Variants in DMD observed in about 807,000 individuals in gnomAD.
The protein encoded by DMD is dystrophin.
A neutral mutation model predicts 330.1 loss-of-function variants in DMD; 63 were observed. The ratio of observed to expected loss-of-function variants is 0.19; its 90% CI spans 0.16 to 0.24. The LOEUF is 0.24. Among genes scored for constraint, DMD ranks in the 10% least tolerant of loss-of-function variants. DMD has a pLI of 1.00. For missense variants in DMD, 3,344 were observed against 2,684.1 expected (o/e 1.25, Z -5.43); for synonymous variants, 1,223 against 959.8 (o/e 1.27, Z -5.07).
intron 52 of DMD, among the ~76,000 whole-genome samples, chrX:31,687,356 C>A (rs2082751246): frequency 9.0e-6 from 1 of 111,513 alleles, no homozygotes; most frequent in African/African-American, 3.3e-5. Context: ...GAGAAGCAGG[C>A]AGGCTTCTGG....
chrX:31,645,742 T>G (rs1387008850), intron 54 of DMD, among the ~76,000 whole-genome samples: 1 of 112,042 alleles, frequency 8.9e-6, no homozygotes, highest in Non-Finnish European at 1.9e-5. Context: ...ATGGTCAAAC[T>G]TTTAGAAGGG....
chrX:31,180,903 C>G (rs1037886066), intron 68 of DMD, among the ~76,000 whole-genome samples: 3 of 112,294 alleles, frequency 2.7e-5, no homozygotes, highest in Non-Finnish European at 5.6e-5. Context: ...ATTTTCAAAA[C>G]ATTGTCAAGA....
chrX:32,659,872 T>C (rs895040066), intron 9 of DMD, among the ~76,000 whole-genome samples: 3 of 110,672 alleles, frequency 2.7e-5, no homozygotes, highest in Non-Finnish European at 5.7e-5. Context: ...ATTCCTTTCC[T>C]ATTCAAGGAA....
At chrX:32,181,234 C>CT (rs1235036586) in intron 44 of DMD, among the ~76,000 whole-genome samples, 3 of 111,592 alleles carry the variant, frequency 2.7e-5, no homozygotes, top group Non-Finnish European at 3.8e-5. Flanking sequence ...AGAGCAGGTA[C>CT]TTTTTTGTGC....
chrX:32,362,747 C>A, intron 37 of DMD, 41 bp downstream of exon 37: 1 of 1,200,089 alleles, frequency 8.3e-7, no homozygotes. Flanking sequence ...TCGCAAGAGA[C>A]CATTTAGCAC....
At chrX:32,511,575 G>C (rs913619613) in intron 18 of DMD, among the ~76,000 whole-genome samples, 2 of 99,713 alleles carry the variant, frequency 2.0e-5, no homozygotes, top group Non-Finnish European at 4.1e-5. Context: ...TTTTCTTCTT[G>C]TTAGGAAAAA....
rs191564063 is a variant in DMD, at chrX:32,297,895, C to G, written c.6118-10194G>C. On this transcript the variant is annotated intron_variant, in intron 42 of 78. Transcript: ENST00000357033. ...AAAATCATGAGAATAATATTCCAGA[C>G]AGGTAAAGCAAGTATAAGGGCCCTG... Among the ~76,000 whole-genome samples, 859 of 110,786 alleles carry G rather than the reference C, an allele frequency of 7.8e-3. 31 individuals are homozygous for G. The highest frequency in any genetic ancestry group is 0.065 in the Admixed American group (673 of 10,386).
intron 2 of DMD, among the ~76,000 whole-genome samples, chrX:33,008,126 T>C (rs777275501): frequency 6.3e-5 from 7 of 111,684 alleles, no homozygotes; most frequent in Non-Finnish European, 1.3e-4. Context: ...ATCACTTGTT[T>C]ATTGATCACT....
chrX:31,398,056 C>A (rs902610483), intron 60 of DMD, among the ~76,000 whole-genome samples: 1 of 112,429 alleles, frequency 8.9e-6, no homozygotes, highest in Non-Finnish European at 1.9e-5. Flanking sequence ...TTACTATGTG[C>A]AACACATATA....
chrX:32,118,780 G>C (rs1479145330), intron 44 of DMD, among the ~76,000 whole-genome samples: 1 of 109,951 alleles, frequency 9.1e-6, no homozygotes, highest in East Asian at 2.9e-4. Flanking sequence ...GGGGCGGGTG[G>C]GGTTGTGGGG....
intron 1 of DMD, among the ~76,000 whole-genome samples, chrX:33,035,692 T>C (rs1159713620): frequency 1.8e-5 from 2 of 111,771 alleles, no homozygotes; most frequent in Admixed American, 9.5e-5. Flanking sequence ...GAGCAGCCCA[T>C]GTCATGAAGG....
intron 41 of DMD, among the ~76,000 whole-genome samples, chrX:32,312,640 G>A (rs1184553156): frequency 9.1e-6 from 1 of 109,380 alleles, no homozygotes; most frequent in Non-Finnish European, 1.9e-5. Context: ...CCAGGAGCTG[G>A]TCTTTTGAAA....
intron 52 of DMD, among the ~76,000 whole-genome samples, chrX:31,685,202 G>A (rs1474305424): frequency 9.2e-6 from 1 of 108,525 alleles, no homozygotes; most frequent in Non-Finnish European, 1.9e-5. Flanking sequence ...TGGGTAGGAA[G>A]GGATTTTTGC....
chrX:32,919,317 A>G (rs2088152590), intron 2 of DMD, among the ~76,000 whole-genome samples: 1 of 111,979 alleles, frequency 8.9e-6, no homozygotes, highest in African/African-American at 3.2e-5. Context: ...TTCCAGAGAT[A>G]CTATCCAACC....
chrX:31,478,877 A>C, intron 58 of DMD, 106 bp downstream of exon 58: 2 of 905,817 alleles, frequency 2.2e-6, no homozygotes, highest in Non-Finnish European at 3.1e-6. Flanking sequence ...CTATTTAACC[A>C]AGAAAATATG....
intron 2 of DMD, among the ~76,000 whole-genome samples, chrX:32,891,358 T>C (rs2085183011): frequency 8.9e-6 from 1 of 112,315 alleles, no homozygotes; most frequent in Non-Finnish European, 1.9e-5. Flanking sequence ...ATCATATAAA[T>C]TAAGATGGCC....
chrX:32,710,283 C>T (rs1478476333), intron 7 of DMD, among the ~76,000 whole-genome samples: 1 of 110,188 alleles, frequency 9.1e-6, no homozygotes, highest in African/African-American at 3.3e-5. Flanking sequence ...CTTGGTTTGG[C>T]TCCCAGTTCT....
At chrX:32,632,486 C>T (rs2058799090) in intron 11 of DMD, among the ~76,000 whole-genome samples, 1 of 112,630 alleles carries the variant, frequency 8.9e-6, no homozygotes, top group African/African-American at 3.2e-5. Flanking sequence ...TCAAAGCCCA[C>T]ATTTTCCCTC....
intron 44 of DMD, among the ~76,000 whole-genome samples, chrX:32,087,032 G>A (rs1188556661): frequency 9.0e-6 from 1 of 111,457 alleles, no homozygotes; most frequent in Non-Finnish European, 1.9e-5. Flanking sequence ...GAATTGAAAC[G>A]AGAGTAGTAT....
Sources: allele counts gnomAD v4.1 joint callset (sites outside exome capture counted in the v4.1 genomes callset), GRCh38; gene constraint gnomAD v4.1.1; transcripts MANE v1.5; gene names NCBI Gene and HGNC (gene_info 2026-07-23, HGNC 2026-07-21).